The following PLD5 variants were observed in gnomAD, a reference collection of about 807,000 sequenced individuals.
PLD5 encodes phospholipase D family member 5, also known as inactive phospholipase D5.
A neutral mutation model predicts 61.1 loss-of-function variants in PLD5; 36 were observed. The ratio of observed to expected loss-of-function variants is 0.59; its 90% CI spans 0.45 to 0.78. The LOEUF is 0.78. Ranked by LOEUF, PLD5 falls within the 30% of genes least tolerant of loss-of-function variation. The probability of loss-of-function intolerance (pLI) is 0.00; values close to 1 mark genes in which losing one functional copy is unlikely to be tolerated. For synonymous variants in PLD5, 243 were observed against 242.8 expected, an observed-to-expected ratio of 1.00 and a Z score of -0.01; for missense variants, 515 against 644.4, an observed-to-expected ratio of 0.80 and a Z score of 2.17.
intron 1 of PLD5, among the ~76,000 whole-genome samples, chr1:242,486,013 T>C (rs1667947145): frequency 1.3e-5 from 2 of 152,130 alleles, no homozygotes; most frequent in South Asian, 4.1e-4. Context: ...GCTAGCCATA[T>C]GTAGAAAGCT....
At chr1:242,483,762 T>C (rs1487991198) in intron 1 of PLD5, among the ~76,000 whole-genome samples, 2 of 152,160 alleles carry the variant, frequency 1.3e-5, no homozygotes, top group Admixed American at 1.3e-4. Flanking sequence ...ATACATTCTT[T>C]TCAGCACCAC....
intron 2 of PLD5, among the ~76,000 whole-genome samples, chr1:242,321,049 GAAAT>G (rs1283312339): frequency 2.0e-5 from 3 of 152,122 alleles, no homozygotes; most frequent in African/African-American, 7.2e-5. Context: ...TCAACCGAAA[GAAAT>G]AAAAATATTT....
At chr1:242,131,793 A>G (rs1351978887) in intron 5 of PLD5, among the ~76,000 whole-genome samples, 1 of 151,050 alleles carries the variant, frequency 6.6e-6, no homozygotes, top group Non-Finnish European at 1.5e-5. Context: ...AAGAATTAGG[A>G]GAAGCACGTA....
chr1:242,233,153 CAAAT>C (rs1464853386), intron 4 of PLD5, among the ~76,000 whole-genome samples: 12 of 112,370 alleles, frequency 1.1e-4, no homozygotes, highest in African/African-American at 2.1e-4. Flanking sequence ...GATTCTGACT[CAAAT>C]GAATGAATGA....
chr1:242,473,890 T>A (rs934191258), intron 1 of PLD5, among the ~76,000 whole-genome samples: 1 of 152,162 alleles, frequency 6.6e-6, no homozygotes, highest in Non-Finnish European at 1.5e-5. Context: ...ACCACTGAGT[T>A]TTTTTAAAAA....
At chr1:242,514,255 C>A (rs1669028998) in intron 1 of PLD5, among the ~76,000 whole-genome samples, 1 of 152,308 alleles carries the variant, frequency 6.6e-6, no homozygotes, top group South Asian at 2.1e-4. Flanking sequence ...TCACTGCTCT[C>A]CCAAACAGTT....
At chr1:242,376,930 C>A in intron 1 of PLD5, 14 of 1,603,678 alleles carry the variant, frequency 8.7e-6, no homozygotes, top group Non-Finnish European at 1.2e-5. Context: ...GGCTATTTCT[C>A]GGCTGAGCTC....
At chr1:242,166,608 C>T (rs1161360218) in intron 5 of PLD5, among the ~76,000 whole-genome samples, 1 of 152,224 alleles carries the variant, frequency 6.6e-6, no homozygotes, top group Non-Finnish European at 1.5e-5. Context: ...AAGGAAGACA[C>T]TGATTTTATT....
intron 2 of PLD5, among the ~76,000 whole-genome samples, chr1:242,289,379 C>T (rs1400031858): frequency 1.3e-5 from 2 of 152,010 alleles, no homozygotes; most frequent in African/African-American, 2.4e-5. Context: ...GATGGAGTCT[C>T]GCTCTGTTGC....
At chr1:242,286,448 C>T (rs1462611162) in intron 3 of PLD5, among the ~76,000 whole-genome samples, 1 of 152,172 alleles carries the variant, frequency 6.6e-6, no homozygotes, top group Non-Finnish European at 1.5e-5. Context: ...CACATCCTCC[C>T]TGTACCAGGG....
At chr1:242,322,691 T>C (rs1272610937) in intron 2 of PLD5, among the ~76,000 whole-genome samples, 8 of 152,168 alleles carry the variant, frequency 5.3e-5, no homozygotes, top group Non-Finnish European at 8.8e-5. Flanking sequence ...TTAAAAGTGT[T>C]ATTTATATCC....
intron 1 of PLD5, among the ~76,000 whole-genome samples, chr1:242,435,047 G>GT (rs34085742): frequency 0.27 from 39,573 of 149,122 alleles, 6,521 homozygotes; most frequent in African/African-American, 0.47. Flanking sequence ...CCCAGCCCTT[G>GT]TTTTTTTTTT....
rs369306159 is a variant in PLD5, at chr1:242,257,888, C to T, written c.607+7449G>A. Among the ~76,000 whole-genome samples the T allele has an allele frequency of 7.2e-5, 11 of 152,240 alleles. No individual in the cohort carries two copies. In the East Asian group the frequency reaches 9.7e-4, roughly 13 times the overall value. On this transcript the variant is annotated intron_variant, in intron 4 of 9. Transcript: ENST00000536534. ...AGCAGATAATGTCAGTGGGAACAAA[C>T]GCCTGGGCCTTTTCATGCCTGTCAC...
intron 1 of PLD5, among the ~76,000 whole-genome samples, chr1:242,478,788 A>G (rs1283451875): frequency 6.6e-6 from 1 of 152,218 alleles, no homozygotes; most frequent in Admixed American, 6.5e-5. Flanking sequence ...TGAGAGAATT[A>G]CTATTCCAAA....
At chr1:242,280,354 A>G (rs1264140739) in intron 3 of PLD5, among the ~76,000 whole-genome samples, 3 of 152,228 alleles carry the variant, frequency 2.0e-5, no homozygotes, top group East Asian at 3.8e-4. Context: ...CTGAGAACTA[A>G]ATATAAACAA....
chr1:242,106,712 G>A (rs544495129), intron 8 of PLD5, among the ~76,000 whole-genome samples: 181 of 152,284 alleles, frequency 1.2e-3, no homozygotes, highest in Middle Eastern at 3.4e-3. Flanking sequence ...AGTTAATTGC[G>A]GAGCCCTTGA....
chr1:242,239,759 C>T (rs921285149), intron 4 of PLD5, among the ~76,000 whole-genome samples: 6 of 152,102 alleles, frequency 3.9e-5, no homozygotes, highest in Non-Finnish European at 7.4e-5. Context: ...CAGAGCCCCA[C>T]GTAAAAAAGG....
intron 5 of PLD5, among the ~76,000 whole-genome samples, chr1:242,180,205 C>T (rs968536659): frequency 6.6e-6 from 1 of 151,982 alleles, no homozygotes. Context: ...TGTGGATATT[C>T]CTATATTTCA....
intron 5 of PLD5, among the ~76,000 whole-genome samples, chr1:242,214,806 C>T (rs554747047): frequency 6.6e-6 from 1 of 151,522 alleles, no homozygotes; most frequent in Non-Finnish European, 1.5e-5. Flanking sequence ...GCCATTGATA[C>T]CAACACTCAT....
Sources: allele counts gnomAD v4.1 joint callset (sites outside exome capture counted in the v4.1 genomes callset), GRCh38; gene constraint gnomAD v4.1.1; transcripts MANE v1.5; gene names NCBI Gene and HGNC (gene_info 2026-07-23, HGNC 2026-07-21).